Variants in KRT33B observed in about 807,000 individuals in gnomAD.
KRT33B encodes the protein keratin 33B.
A neutral mutation model predicts 42.7 loss-of-function variants in KRT33B; 37 were observed. The observed-to-expected ratio is 0.87, with a 90% CI of 0.67 to 1.14. The LOEUF is 1.14. Among genes scored for constraint, KRT33B ranks in the 50% most tolerant of loss-of-function variants. The pLI is 0.00. For missense variants in KRT33B, 523 were observed against 515.1 expected (o/e 1.02, Z -0.15); for synonymous variants, 237 against 221.2 (o/e 1.07, Z -0.63).
At chr17:41,367,587 C>T (rs1013893280) in intron 2 of KRT33B, among the ~76,000 whole-genome samples, 5 of 151,240 alleles carry the variant, frequency 3.3e-5, no homozygotes, top group African/African-American at 9.9e-5. Flanking sequence ...GCCTGTAATC[C>T]CAGCTACGAG....
intron 5 of KRT33B, 39 bp downstream of exon 5, chr17:41,365,136 A>T: frequency 5.0e-6 from 8 of 1,609,840 alleles, no homozygotes; most frequent in Non-Finnish European, 6.8e-6. Context: ...CTGCCTCCCA[A>T]GTTCCCATCG....
Position 41,369,532 on chromosome 17 carries a change from C to T in KRT33B, c.219G>A (p.Lys73=), listed in dbSNP as rs776790916. ...LNDRLASYLE[K]VRQLERDNAE... is the part of the protein sequence containing the mutation. ...CGTTGTCCCGCTCCAGCTGACGCAC[C>T]TTCTCCAGGTAGCTGGCCAGGCGGT... Residue 73 remains lysine, a synonymous_variant, in exon 1 of 7, where the codon AAG becomes AAA. Coordinates refer to ENST00000251646, the MANE Select transcript of KRT33B (RefSeq NM_002279.5). 1.3e-5 allele frequency: 21 copies of T among 1,613,584 alleles called. No individual in the cohort carries two copies. The highest frequency in any genetic ancestry group is 5.5e-5 in the South Asian group (5 of 91,086).
At position 41,363,751 on chromosome 17, in the gene KRT33B, G is replaced by T; in HGVS notation, c.*85C>A. The T allele has an allele frequency of 1.1e-6, 1 of 889,062 alleles. No individual in the cohort carries two copies. The highest frequency in any genetic ancestry group is 1.8e-6 in the Non-Finnish European group (1 of 551,978). The allele number at this position is 889,062 out of a possible 1,614,324, so 55.1% of individuals were successfully genotyped here. A position where few individuals can be genotyped will look rare whatever the true frequency, so the allele number is the denominator to read the frequency against. Reference sequence around the variant, plus strand: ...TGGTGATGCCTCGGGGTGGGGTCCGGTGGCTGATGGTTGTCAGAGAGGCAG... The same window carrying T: ...TGGTGATGCCTCGGGGTGGGGTCCGTTGGCTGATGGTTGTCAGAGAGGCAG... On this transcript the variant is annotated 3_prime_UTR_variant, in exon 7 of 7. Transcript: ENST00000251646.
chr17:41,366,956 G>T (rs1164941273), intron 2 of KRT33B, among the ~76,000 whole-genome samples: 1 of 151,298 alleles, frequency 6.6e-6, no homozygotes, highest in Admixed American at 6.6e-5. Context: ...GCTCCAGGTT[G>T]TCCTGTCATC....
At chr17:41,366,689 T>C (rs1239050734) in intron 2 of KRT33B, 63 bp from the exon 3 acceptor site, 1 of 1,481,688 alleles carries the variant, frequency 6.7e-7, no homozygotes, top group Non-Finnish European at 9.1e-7. Context: ...TCCCGGCCTT[T>C]ACTTGGCTGA....
intron 2 of KRT33B, among the ~76,000 whole-genome samples, chr17:41,367,204 T>C (rs897409910): frequency 2.0e-5 from 3 of 151,426 alleles, no homozygotes; most frequent in Non-Finnish European, 4.4e-5. Flanking sequence ...ATTCTCATGA[T>C]TGTAATAATG....
Position 41,363,900 on chromosome 17 carries a change from G to T in KRT33B, c.1151C>A (p.Ser384Tyr). 3.7e-6 allele frequency: 6 copies of T among 1,612,006 alleles called. No individual in the cohort carries two copies. The highest frequency in any genetic ancestry group is 5.1e-6 in the Non-Finnish European group (6 of 1,179,624). The change falls in exon 7 of 7, where the codon TCC (serine) becomes TAC (tyrosine). Residue 384 changes from serine to tyrosine, a missense_variant. By Grantham distance (144) the Ser-to-Tyr change is moderately radical. Coordinates refer to ENST00000251646, the MANE Select transcript of KRT33B (RefSeq NM_002279.5). ...TTNACEKPIGSCVTNPCGPRS... is the reference protein window; with the variant it reads ...TTNACEKPIGYCVTNPCGPRS... ...AGGACCACAAGGATTGGTGACACAG[G>T]ATCCAATGGGCTTTTCACATGCATT...
chr17:41,365,268 G>C lies in KRT33B; in HGVS notation c.783C>G (p.Ser261Arg). 1 of 1,612,000 alleles carries C rather than the reference G, an allele frequency of 6.2e-7. No homozygotes were observed. The highest frequency in any genetic ancestry group is 8.5e-7 in the Non-Finnish European group (1 of 1,179,988). Residue 261 changes from serine to arginine, a missense_variant, in exon 5 of 7, where the codon AGC (serine) becomes AGG (arginine). Coordinates refer to ENST00000251646, the MANE Select transcript of KRT33B (RefSeq NM_002279.5). Reference protein sequence around the residue: ...TEELNKQVVSSSEQLQSYQAE... With the variant: ...TEELNKQVVSRSEQLQSYQAE... The stretch of plus-strand genomic sequence containing the variant: ...CCTGGTAGGACTGCAGCTGCTCCGA[G>C]CTGGATACCACCTGCTTGTTCAGCT...
chr17:41,369,648 A>C lies in KRT33B; in HGVS notation c.103T>G (p.Cys35Gly), dbSNP rs755696208. The C allele has an allele frequency of 9.3e-6, 15 of 1,613,760 alleles. No homozygotes were observed. In the East Asian group the frequency reaches 2.9e-4, roughly 31 times the overall value. The part of the protein sequence containing the change: ...SCHGYTLPGA[C>G]NIPANVSNCN... ...TTGCTCACATTGGCAGGGATGTTGC[A>C]GGCCCCGGGCAGGGTGTAGCCGTGG... The change falls in exon 1 of 7, where the codon TGC becomes GGC. Residue 35 changes from cysteine to glycine, a missense_variant. Transcript: ENST00000251646.
intron 1 of KRT33B, 78 bp downstream of exon 1, chr17:41,369,325 T>C (rs1232415888): frequency 1.3e-6 from 2 of 1,551,446 alleles, no homozygotes; most frequent in Non-Finnish European, 1.8e-6. Flanking sequence ...TGAACAGACT[T>C]AGATCCATTC....
chr17:41,363,984 T>A, intron 6 of KRT33B, 31 bp from the exon 7 acceptor site: 1 of 1,446,490 alleles, frequency 6.9e-7, no homozygotes, highest in South Asian at 1.2e-5. Flanking sequence ...ACTGTCAGCA[T>A]GAGAAGGGTG....
chr17:41,365,263 T>C lies in KRT33B; in HGVS notation c.788A>G (p.Glu263Gly), dbSNP rs763943969. ...ELNKQVVSSS[E>G]QLQSYQAEII... ...CTCCGCCTGGTAGGACTGCAGCTGC[T>C]CCGAGCTGGATACCACCTGCTTGTT... Residue 263 changes from glutamate to glycine, a missense_variant, in exon 5 of 7, where the codon GAG becomes GGG. Physicochemically the swap from Glu to Gly is moderately conservative, Grantham distance 98. Coordinates refer to ENST00000251646, the MANE Select transcript of KRT33B (RefSeq NM_002279.5). The C allele has an allele frequency of 7.8e-5, 125 of 1,611,702 alleles. No homozygotes were observed. Among genetic ancestry groups the C allele is most frequent in the Non-Finnish European group, 1.0e-4 (121 of 1,179,990 alleles).
Position 41,363,928 on chromosome 17 carries a change from T to C in KRT33B, c.1123A>G (p.Thr375Ala). 1 of 1,610,890 alleles carries C rather than the reference T, an allele frequency of 6.2e-7. No individual in the cohort carries two copies. The highest frequency in any genetic ancestry group is 8.5e-7 in the Non-Finnish European group (1 of 1,179,174). Residue 375 changes from threonine to alanine, a missense_variant, in exon 7 of 7, where the codon ACC becomes GCC. Transcript: ENST00000251646. The part of the protein sequence containing the change: ...CKLPSNPCAT[T>A]NACEKPIGSC... ...CCAATGGGCTTTTCACATGCATTGG[T>C]GGTGGCGCAGGGGTTGGAGGGCAGC...
At position 41,369,383 on chromosome 17, in the gene KRT33B, T is replaced by G; in HGVS notation, c.348+20A>C. On this transcript the variant is annotated intron_variant, in intron 1 of 6. Coordinates refer to ENST00000251646, the MANE Select transcript of KRT33B (RefSeq NM_002279.5). ...GATAAGTAGTTCATTAAGCTGGCAG[T>G]GTGGTGCCCACCTCCTCACCTTCTG... 1 of 1,611,508 alleles carries G rather than the reference T, an allele frequency of 6.2e-7. No homozygotes were observed. The highest frequency in any genetic ancestry group is 8.5e-7 in the Non-Finnish European group (1 of 1,178,702).
rs372129751 is a variant in KRT33B at position 41,363,788 on chromosome 17, C to G, written c.*48G>C. 1 of 1,289,514 alleles carries G rather than the reference C, an allele frequency of 7.8e-7. No homozygotes were observed. Among genetic ancestry groups the G allele is most frequent in the African/African-American group, 1.5e-5 (1 of 65,058 alleles). 79.9% of individuals were successfully genotyped at this position (1,289,514 alleles called of 1,614,324 possible). A position where few individuals can be genotyped will look rare whatever the true frequency, so the allele number is the denominator to read the frequency against. ...TGTCAGAGAGGCAGAACTGGCCCAC[C>G]GATGGTAGTTCTGTCTTCATGCTAT... is the stretch of plus-strand genomic sequence containing the variant. On this transcript the variant is annotated 3_prime_UTR_variant, in exon 7 of 7. Transcript: ENST00000251646.
At chr17:41,365,717 T>A (rs1258055490) in intron 3 of KRT33B, among the ~76,000 whole-genome samples, 164 bp from the exon 4 acceptor site, 1 of 151,268 alleles carries the variant, frequency 6.6e-6, no homozygotes, top group Non-Finnish European at 1.5e-5. Context: ...CTGAATCCCT[T>A]CCCTCATCTG....
chr17:41,366,648 A>T lies in KRT33B; in HGVS notation c.432-22T>A, dbSNP rs1223826891. 5 of 1,550,072 alleles carry T rather than the reference A, an allele frequency of 3.2e-6. No individual in the cohort carries two copies. The Admixed American group carries it at 6.5e-5, about 20-fold the overall frequency. On this transcript the variant is annotated intron_variant, in intron 2 of 6. Coordinates refer to ENST00000251646, the MANE Select transcript of KRT33B (RefSeq NM_002279.5). ...GTACCTGCACACACAGCCAGAGGTCAAAAGAGGTCCAAAAAAAAAAAGTCT... is the reference window on the plus strand; with the variant it reads ...GTACCTGCACACACAGCCAGAGGTCTAAAGAGGTCCAAAAAAAAAAAGTCT...
intron 1 of KRT33B, 44 bp downstream of exon 1, chr17:41,369,359 A>G (rs1329157914): frequency 6.2e-7 from 1 of 1,605,214 alleles, no homozygotes; most frequent in Non-Finnish European, 8.5e-7. Flanking sequence ...TCAAATATAG[A>G]TAAGTAGTTC....
At chr17:41,368,869 C>T (rs771982810) in intron 1 of KRT33B, among the ~76,000 whole-genome samples, 23 of 151,350 alleles carry the variant, frequency 1.5e-4, no homozygotes, top group Non-Finnish European at 3.2e-4. Flanking sequence ...ATATCTACTT[C>T]TCTTCCAGAA....
Sources: allele counts gnomAD v4.1 joint callset (sites outside exome capture counted in the v4.1 genomes callset), GRCh38; gene constraint gnomAD v4.1.1; transcripts MANE v1.5; gene names NCBI Gene and HGNC (gene_info 2026-07-23, HGNC 2026-07-21).